Variants in ADAMTS12 observed in about 807,000 individuals in gnomAD.
The protein encoded by ADAMTS12 is ADAM metallopeptidase with thrombospondin type 1 motif 12.
In ADAMTS12, 118 loss-of-function variants were observed where a neutral mutation model predicts 167.8. The observed-to-expected ratio is 0.70, with a 90% CI of 0.61 to 0.82. The LOEUF is 0.82. Ranked by LOEUF, ADAMTS12 falls within the 40% of genes least tolerant of loss-of-function variation. ADAMTS12 has a pLI of 0.00. For synonymous variants in ADAMTS12, 704 were observed against 716.9 expected (o/e 0.98, Z 0.29); for missense variants, 1,916 against 1,998.8 (o/e 0.96, Z 0.79).
At chr5:33,751,235 C>T (rs1427922410) in intron 3 of ADAMTS12, 169 bp downstream of exon 3, 1 of 817,988 alleles carries the variant, frequency 1.2e-6, no homozygotes, top group African/African-American at 1.8e-5. Context: ...AAAGAATGTA[C>T]ACTTTCTGGC....
chr5:33,749,422 A>C (rs1029151469), intron 3 of ADAMTS12, among the ~76,000 whole-genome samples: 2 of 152,186 alleles, frequency 1.3e-5, no homozygotes, highest in Non-Finnish European at 2.9e-5. Flanking sequence ...TGGTGAAAGA[A>C]GGAAGGAAGC....
At position 33,696,171 on chromosome 5, in the gene ADAMTS12, C is replaced by T. The variant is rs371509930; in HGVS notation, c.635-12116G>A. Reference sequence around the variant, plus strand: ...GCGTCGTGGCTCATGCCTGTAATCCCAGCACTTTGGGAGGCCAAGTCGGGC... The same window carrying T: ...GCGTCGTGGCTCATGCCTGTAATCCTAGCACTTTGGGAGGCCAAGTCGGGC... On this transcript the variant is annotated intron_variant, in intron 3 of 23. Transcript: ENST00000504830. 1.2e-4 allele frequency among the ~76,000 whole-genome samples: 19 copies of T among 152,226 alleles called. No homozygotes were observed. In the East Asian group the frequency reaches 3.5e-3, roughly 28 times the overall value.
intron 3 of ADAMTS12, among the ~76,000 whole-genome samples, chr5:33,728,044 A>T (rs1207955745): frequency 6.6e-6 from 1 of 152,172 alleles, no homozygotes; most frequent in Non-Finnish European, 1.5e-5. Flanking sequence ...AAAGGAACAA[A>T]TATATTAAAC....
At chr5:33,617,617 T>G (rs1739092738) in intron 14 of ADAMTS12, among the ~76,000 whole-genome samples, 1 of 152,190 alleles carries the variant, frequency 6.6e-6, no homozygotes, top group African/African-American at 2.4e-5. Flanking sequence ...TCACATGTAA[T>G]CGAGGCTAAT....
At chr5:33,712,742 T>C (rs1743448870) in intron 3 of ADAMTS12, among the ~76,000 whole-genome samples, 1 of 152,254 alleles carries the variant, frequency 6.6e-6, no homozygotes, top group Non-Finnish European at 1.5e-5. Flanking sequence ...ACCTCACAAC[T>C]CTTCAGCCTC....
At chr5:33,589,124 T>C (rs906469877) in intron 17 of ADAMTS12, among the ~76,000 whole-genome samples, 4 of 152,248 alleles carry the variant, frequency 2.6e-5, no homozygotes, top group Non-Finnish European at 5.9e-5. Flanking sequence ...TTAAGCAAGT[T>C]TAAGCCTCGC....
At chr5:33,714,273 C>A (rs1428632183) in intron 3 of ADAMTS12, among the ~76,000 whole-genome samples, 2 of 152,076 alleles carry the variant, frequency 1.3e-5, no homozygotes, top group Admixed American at 6.6e-5. Context: ...CACACACACA[C>A]AAAATGCTGG....
At chr5:33,810,319 CCAT>C (rs1747408349) in intron 2 of ADAMTS12, among the ~76,000 whole-genome samples, 5 of 152,088 alleles carry the variant, frequency 3.3e-5, no homozygotes, top group Admixed American at 1.3e-4. Context: ...TCTAAAAATC[CCAT>C]GTTCACATAA....
chr5:33,618,544 G>A (rs952015908), intron 14 of ADAMTS12, among the ~76,000 whole-genome samples: 1 of 152,192 alleles, frequency 6.6e-6, no homozygotes, highest in Admixed American at 6.5e-5. Flanking sequence ...CCTTCTGTTA[G>A]ACTGTCCAAT....
At chr5:33,871,295 G>A (rs866949618) in intron 2 of ADAMTS12, among the ~76,000 whole-genome samples, 2 of 151,980 alleles carry the variant, frequency 1.3e-5, no homozygotes, top group African/African-American at 2.4e-5. Context: ...ACATAAATTC[G>A]ATGCAATCTC....
At chr5:33,741,353 C>T (rs1258321027) in intron 3 of ADAMTS12, among the ~76,000 whole-genome samples, 1 of 152,184 alleles carries the variant, frequency 6.6e-6, no homozygotes, top group Non-Finnish European at 1.5e-5. Context: ...GGGGCTTTCT[C>T]TCTGTGTCCT....
chr5:33,551,801 G>A (rs925880769), intron 20 of ADAMTS12, among the ~76,000 whole-genome samples: 1 of 152,134 alleles, frequency 6.6e-6, no homozygotes, highest in African/African-American at 2.4e-5. Context: ...ATTTTCAAAA[G>A]AGCCTCTGAT....
intron 3 of ADAMTS12, among the ~76,000 whole-genome samples, chr5:33,711,204 C>T (rs955293937): frequency 3.3e-5 from 5 of 152,008 alleles, no homozygotes; most frequent in African/African-American, 7.2e-5. Flanking sequence ...CAACTTACTC[C>T]CAGAACCCTG....
intron 21 of ADAMTS12, among the ~76,000 whole-genome samples, 184 bp from the exon 22 acceptor site, chr5:33,546,386 A>G (rs72737394): frequency 0.085 from 12,816 of 151,264 alleles, 652 homozygotes; most frequent in Non-Finnish European, 0.11. Flanking sequence ...AAAAAAAAAA[A>G]GGGGGGGAAA....
intron 2 of ADAMTS12, among the ~76,000 whole-genome samples, chr5:33,826,516 GAATA>G (rs1264158459): frequency 6.6e-6 from 1 of 151,732 alleles, no homozygotes; most frequent in African/African-American, 2.4e-5. Flanking sequence ...GTATATGCAT[GAATA>G]TATATATGCT....
chr5:33,775,295 C>T (rs1430274560), intron 2 of ADAMTS12, among the ~76,000 whole-genome samples: 9 of 151,942 alleles, frequency 5.9e-5, no homozygotes, highest in Admixed American at 1.3e-4. Flanking sequence ...GGGCAACAAA[C>T]GGAAGAACAT....
At chr5:33,670,157 T>TA (rs59996249) in intron 5 of ADAMTS12, among the ~76,000 whole-genome samples, 49,435 of 150,246 alleles carry the variant, frequency 0.33, 8,697 homozygotes, top group African/African-American at 0.45. Flanking sequence ...CACTCAACAA[T>TA]AAAAAAAAAT....
intron 1 of ADAMTS12, among the ~76,000 whole-genome samples, chr5:33,886,145 T>C (rs758728109): frequency 1.1e-4 from 17 of 152,220 alleles, no homozygotes; most frequent in Non-Finnish European, 2.1e-4. Flanking sequence ...AAGTATAAAG[T>C]GAAAGACTAA....
intron 2 of ADAMTS12, among the ~76,000 whole-genome samples, chr5:33,811,828 G>C (rs1174843973): frequency 6.6e-6 from 1 of 152,188 alleles, no homozygotes; most frequent in East Asian, 1.9e-4. Flanking sequence ...GAGCCAACAA[G>C]GTGTCCTGGA....
Sources: allele counts gnomAD v4.1 joint callset (sites outside exome capture counted in the v4.1 genomes callset), GRCh38; gene constraint gnomAD v4.1.1; transcripts MANE v1.5; gene names NCBI Gene and HGNC (gene_info 2026-07-23, HGNC 2026-07-21).